Variants in SBNO2 observed in about 807,000 individuals in gnomAD.
SBNO2 encodes protein strawberry notch homolog 2.
Under a neutral mutation model 146.3 loss-of-function variants are expected in SBNO2, and 89 were observed. The observed-to-expected ratio is 0.61, with a 90% CI of 0.51 to 0.73. SBNO2 has a LOEUF of 0.73. Among genes scored for constraint, SBNO2 ranks in the 30% least tolerant of loss-of-function variants. SBNO2 has a pLI of 0.00. For missense variants in SBNO2, 2,092 were observed against 2,003.7 expected (o/e 1.04, Z -0.84); for synonymous variants, 1,147 against 892.6 (o/e 1.29, Z -5.08).
chr19:1,161,649 C>T (rs2080346323), intron 1 of SBNO2, among the ~76,000 whole-genome samples: 1 of 151,736 alleles, frequency 6.6e-6, no homozygotes, highest in African/African-American at 2.4e-5. Context: ...TCTCAGGATG[C>T]CCAGGACCCA....
chr19:1,122,606 C>CCCAA, intron 9 of SBNO2, 48 bp from the exon 10 acceptor site: 1 of 1,460,394 alleles, frequency 6.8e-7, no homozygotes, highest in Non-Finnish European at 9.1e-7. Context: ...CCTCGCCCCC[C>CCCAA]GCTTCCGCCC....
chr19:1,145,805 C>A (rs924103397), intron 4 of SBNO2, among the ~76,000 whole-genome samples: 4 of 152,116 alleles, frequency 2.6e-5, no homozygotes, highest in African/African-American at 9.7e-5. Context: ...AGGGCTACTG[C>A]GGGTGAGGAC....
intron 1 of SBNO2, among the ~76,000 whole-genome samples, chr19:1,172,917 T>G (rs2145369596): frequency 6.6e-6 from 1 of 151,094 alleles, no homozygotes; most frequent in Middle Eastern, 3.5e-3. Context: ...AGGAAGGACG[T>G]TCTGAGCAGG....
Position 1,113,568 on chromosome 19 carries a change from G to T in SBNO2, c.2214C>A (p.Ile738=). Residue 738 remains isoleucine (I), a synonymous_variant, in exon 19 of 32, where the codon ATC becomes ATA. Transcript: ENST00000361757. ...ELPVNTLDEL[I]DQLGGPQRVA... is the part of the protein sequence containing the mutation. ...CCCGCTGGGGGCCGCCCAGCTGGTC[G>T]ATGAGCTCGTCCAGGGTGTTGACTG... The T allele has an allele frequency of 2.5e-6, 4 of 1,601,324 alleles. No homozygotes were observed. The highest frequency in any genetic ancestry group is 3.4e-6 in the Non-Finnish European group (4 of 1,175,262).
intron 7 of SBNO2, among the ~76,000 whole-genome samples, chr19:1,123,287 C>T (rs926157203): frequency 2.3e-4 from 35 of 151,942 alleles, no homozygotes; most frequent in African/African-American, 6.8e-4. Flanking sequence ...GCGTGGCCAG[C>T]GGCTTGCAGG....
chr19:1,152,183 C>G (rs1438507373), intron 2 of SBNO2, among the ~76,000 whole-genome samples: 1 of 152,210 alleles, frequency 6.6e-6, no homozygotes, highest in Non-Finnish European at 1.5e-5. Context: ...GTGTCCAGTG[C>G]CCCCGCCGGG....
chr19:1,109,110 C>G lies in SBNO2; in HGVS notation c.3425+25G>C, dbSNP rs747721570. 20 of 1,547,418 alleles carry G rather than the reference C, an allele frequency of 1.3e-5. No individual in the cohort carries two copies. Among genetic ancestry groups the G allele is most frequent in the Non-Finnish European group, 1.7e-5 (19 of 1,145,838 alleles). On this transcript the variant is annotated intron_variant, in intron 30 of 31. Transcript: ENST00000361757. This position sits in a 1 kb window ranked among gnomAD's most constrained non-coding sequence, Gnocchi z 4.2. The stretch of plus-strand genomic sequence containing the variant: ...TGGGTCGCCGCCATCTGCCGGTTTC[C>G]CCCTGGTCCCCGGCCCGCCCTCACC...
chr19:1,140,136 A>G lies in SBNO2; in HGVS notation c.279+7173T>C, dbSNP rs954670573. ...AACACGGTGAAACCCCGTGTCCACTAAAAAACACAAAAAATTAGCTGGGCG... is the reference window on the plus strand; with the variant it reads ...AACACGGTGAAACCCCGTGTCCACTGAAAAACACAAAAAATTAGCTGGGCG... On this transcript the variant is annotated intron_variant, in intron 4 of 31. Transcript: ENST00000361757. This position sits in a 1 kb window ranked among gnomAD's most constrained non-coding sequence, Gnocchi z 4.4. Among the ~76,000 whole-genome samples, 6 of 151,512 alleles carry G rather than the reference A, an allele frequency of 4.0e-5. No homozygotes were observed. The highest frequency in any genetic ancestry group is 1.5e-4 in the African/African-American group (6 of 41,216).
At chr19:1,124,890 G>T (rs369913996) in intron 5 of SBNO2, among the ~76,000 whole-genome samples, 2 of 152,140 alleles carry the variant, frequency 1.3e-5, no homozygotes, top group African/African-American at 4.8e-5. Flanking sequence ...GGGTCGGGGG[G>T]TGGTGTGGCC....
chr19:1,156,320 T>C (rs2080289246), intron 1 of SBNO2, among the ~76,000 whole-genome samples: 1 of 152,100 alleles, frequency 6.6e-6, no homozygotes, highest in Non-Finnish European at 1.5e-5. Context: ...CTGGAGTCCA[T>C]GCCTTGGGGA....
In SBNO2 at chr19:1,132,343, C is replaced by A. The variant is rs2080040413; in HGVS notation, c.280-4578G>T. ...GCTGACTTTCAGGAAATGATGCCGG[C>A]CCCGTAAGTCAGGGCAATTACCGGC... On this transcript the variant is annotated intron_variant, in intron 4 of 31. Coordinates refer to ENST00000361757, the MANE Select transcript of SBNO2 (RefSeq NM_014963.3). The A allele has an allele frequency of 2.4e-6, 3 of 1,254,226 alleles. No homozygotes were observed. The African/African-American group carries it at 4.7e-5, about 20-fold the overall frequency. The allele number at this position is 1,254,226 out of a possible 1,614,324, so 77.7% of individuals were successfully genotyped here. A position where few individuals can be genotyped will look rare whatever the true frequency, so the allele number is the denominator to read the frequency against.
chr19:1,126,937 C>G lies in SBNO2; in HGVS notation c.441+667G>C, dbSNP rs552213169. 6.6e-6 allele frequency among the ~76,000 whole-genome samples: 1 copy of G among 152,182 alleles called. No homozygotes were observed. The highest frequency in any genetic ancestry group is 1.5e-5 in the Non-Finnish European group (1 of 68,024). On this transcript the variant is annotated intron_variant, in intron 5 of 31. Transcript: ENST00000361757. This position sits in a 1 kb window ranked among gnomAD's most constrained non-coding sequence, Gnocchi z 4.4. ...CCGAAGAACCTGGGGGCCCTGCTGC[C>G]CTACAACCCCTGCTCTAGGCCTGGC...
At chr19:1,146,108 C>G (rs1412700428) in intron 4 of SBNO2, among the ~76,000 whole-genome samples, 1 of 152,226 alleles carries the variant, frequency 6.6e-6, no homozygotes, top group Non-Finnish European at 1.5e-5. Context: ...CCCAATCTCT[C>G]CTGTCTCTTC....
intron 4 of SBNO2, among the ~76,000 whole-genome samples, chr19:1,146,794 G>C (rs149644720): frequency 0.034 from 4,893 of 144,304 alleles, 125 homozygotes; most frequent in East Asian, 0.13. Flanking sequence ...TGATGCCGAA[G>C]GGGGAGGCTG....
intron 3 of SBNO2, 139 bp downstream of exon 3, chr19:1,149,230 C>T (rs2080220374): frequency 4.0e-6 from 3 of 748,798 alleles, no homozygotes; most frequent in Admixed American, 2.5e-5. Context: ...TGGAGCCTTC[C>T]AGGACCACGT....
chr19:1,110,610 G>A lies in SBNO2; in HGVS notation c.3028+135C>T, dbSNP rs939691593. The A allele has an allele frequency of 2.3e-5, 25 of 1,065,986 alleles. No homozygotes were observed. The highest frequency in any genetic ancestry group is 1.3e-4 in the African/African-American group (8 of 60,562). The allele number at this position is 1,065,986 out of a possible 1,614,324, so 66.0% of individuals were successfully genotyped here. A position where few individuals can be genotyped will look rare whatever the true frequency, so the allele number is the denominator to read the frequency against. ...AGCCCCTCGCCCACCCGGGATGCACGGTGTTCCCACGAGCCCCTCGCCCAC... is the reference window on the plus strand; with the variant it reads ...AGCCCCTCGCCCACCCGGGATGCACAGTGTTCCCACGAGCCCCTCGCCCAC... On this transcript the variant is annotated intron_variant, in intron 26 of 31. Coordinates refer to ENST00000361757, the MANE Select transcript of SBNO2 (RefSeq NM_014963.3). This position sits in a 1 kb window ranked among gnomAD's most constrained non-coding sequence, Gnocchi z 4.9.
intron 11 of SBNO2, among the ~76,000 whole-genome samples, chr19:1,120,543 T>C (rs1468764060): frequency 6.6e-6 from 1 of 152,100 alleles, no homozygotes; most frequent in Non-Finnish European, 1.5e-5. Flanking sequence ...CTAATTTTTG[T>C]AGTTTTGGTA....
chr19:1,152,034 G>A (rs1405651867), intron 2 of SBNO2, among the ~76,000 whole-genome samples: 8 of 152,170 alleles, frequency 5.3e-5, no homozygotes, highest in African/African-American at 1.2e-4. Context: ...GAACTCAGTC[G>A]ACCCTGCCCA....
chr19:1,134,138 C>T (rs1021971149), intron 4 of SBNO2, among the ~76,000 whole-genome samples: 1 of 135,354 alleles, frequency 7.4e-6, no homozygotes, highest in African/African-American at 2.7e-5. Flanking sequence ...CCCATAGGAC[C>T]CACAGCTCAC....
Sources: allele counts gnomAD v4.1 joint callset (sites outside exome capture counted in the v4.1 genomes callset), GRCh38; gene constraint gnomAD v4.1.1; non-coding constraint Gnocchi (gnomAD v3.1); transcripts MANE v1.5; gene names NCBI Gene and HGNC (gene_info 2026-07-23, HGNC 2026-07-21).